CCDC62: variants seen among roughly 807,000 people sequenced by gnomAD.
The protein encoded by CCDC62 is coiled-coil domain-containing protein 62.
CCDC62 carries 72 observed loss-of-function variants against 80.8 expected under a neutral mutation model. The ratio of observed to expected loss-of-function variants is 0.89; its 90% CI spans 0.74 to 1.08. The LOEUF (loss-of-function observed/expected upper bound fraction) is 1.08. CCDC62 is among the 50% of genes least tolerant of loss of function. CCDC62 has a pLI of 0.00. For missense variants in CCDC62, 704 were observed against 809.4 expected (o/e 0.87, Z 1.58); for synonymous variants, 286 against 296.5 (o/e 0.96, Z 0.36).
At chr12:122,821,889 T>C (rs2032416480) in intron 11 of CCDC62, among the ~76,000 whole-genome samples, 2 of 152,038 alleles carry the variant, frequency 1.3e-5, no homozygotes, top group Admixed American at 1.3e-4. Flanking sequence ...GTCTTTGTAG[T>C]GGAAAGATTT....
intron 9 of CCDC62, among the ~76,000 whole-genome samples, chr12:122,803,989 G>A (rs910093825): frequency 6.6e-5 from 10 of 152,188 alleles, no homozygotes; most frequent in Admixed American, 6.5e-4. Flanking sequence ...AGCAGAGACG[G>A]ATGCCAAGAT....
At chr12:122,785,622 A>C in intron 3 of CCDC62, 97 bp from the exon 4 acceptor site, 1 of 830,882 alleles carries the variant, frequency 1.2e-6, no homozygotes, top group Non-Finnish European at 2.0e-6. Context: ...AAACAAGGAA[A>C]AAACAAAATA....
intron 11 of CCDC62, 114 bp from the exon 12 acceptor site, chr12:122,823,252 C>G (rs528661366): frequency 2.6e-6 from 2 of 780,330 alleles, no homozygotes; most frequent in Middle Eastern, 3.1e-4. Flanking sequence ...TGAGCCACCA[C>G]GCCCAGCCTC....
At chr12:122,785,044 C>T (rs11059954) in intron 3 of CCDC62, among the ~76,000 whole-genome samples, 8,040 of 151,372 alleles carry the variant, frequency 0.053, 391 homozygotes, top group East Asian at 0.27. Context: ...GAGGCTGAAG[C>T]AGGAGAATCA....
rs141689290 is a variant in CCDC62, at chr12:122,801,722, C to G, written c.1576C>G (p.Pro526Ala). 3,022 of 1,614,136 alleles carry G rather than the reference C, an allele frequency of 1.9e-3. 2 individuals carry two copies. Among genetic ancestry groups the G allele is most frequent in the Non-Finnish European group, 2.3e-3 (2,761 of 1,180,034 alleles). The stretch of plus-strand genomic sequence containing the variant: ...CCCGAGTAACTTCATAATTGAAGCC[C>G]CAGGCCACATGTCTGACGTGGAGTG... ...CHPSNFIIEAPGHMSDVEWMS... is the reference protein window; with the variant it reads ...CHPSNFIIEAAGHMSDVEWMS... The change falls in exon 9 of 13, where the codon CCA becomes GCA. Residue 526 changes from proline to alanine, a missense_variant. By Grantham distance (27) the Pro-to-Ala change is conservative. Transcript: ENST00000253079.
intron 8 of CCDC62, among the ~76,000 whole-genome samples, chr12:122,798,517 C>A (rs746307306): frequency 6.6e-6 from 1 of 152,004 alleles, no homozygotes; most frequent in Non-Finnish European, 1.5e-5. Context: ...GCACGAGAAT[C>A]GCTTGAACCT....
At position 122,796,090 on chromosome 12, in the gene CCDC62, A is replaced by G. The variant is rs188965883; in HGVS notation, c.773-1217A>G. On this transcript the variant is annotated intron_variant, in intron 6 of 12. Coordinates refer to ENST00000253079, the MANE Select transcript of CCDC62 (RefSeq NM_201435.5). ...GGACTAGGGAAACATTTATATTTACATTGGCATTGCCTCTTATGCAAAAGT... is the reference window on the plus strand; with the variant it reads ...GGACTAGGGAAACATTTATATTTACGTTGGCATTGCCTCTTATGCAAAAGT... Among the ~76,000 whole-genome samples, 242 of 152,316 alleles carry G rather than the reference A, an allele frequency of 1.6e-3. 4 individuals are homozygous for G. Among genetic ancestry groups the G allele is most frequent in the African/African-American group, 5.4e-3 (223 of 41,568 alleles).
intron 10 of CCDC62, among the ~76,000 whole-genome samples, chr12:122,809,807 G>A (rs1474326173): frequency 6.6e-6 from 1 of 152,136 alleles, no homozygotes. Flanking sequence ...CATGGTACTG[G>A]TACCAAAACA....
intron 8 of CCDC62, among the ~76,000 whole-genome samples, chr12:122,800,313 G>A (rs2031220866): frequency 6.6e-6 from 1 of 151,670 alleles, no homozygotes; most frequent in Admixed American, 6.6e-5. Flanking sequence ...GGACGCCATG[G>A]CTCACACCTG....
At chr12:122,795,507 T>G (rs1485971105) in intron 6 of CCDC62, among the ~76,000 whole-genome samples, 1 of 151,918 alleles carries the variant, frequency 6.6e-6, no homozygotes. Flanking sequence ...CACTGCAAGC[T>G]CAGCCTCCTG....
chr12:122,814,174 G>A (rs12367291), intron 11 of CCDC62, among the ~76,000 whole-genome samples: 127,118 of 150,868 alleles, frequency 0.84, 54,779 homozygotes, highest in East Asian at 0.99. Flanking sequence ...CCAGCTACTC[G>A]GGAGGCTGAG....
At position 122,812,773 on chromosome 12, in the gene CCDC62, G is replaced by A. The variant is rs200282742; in HGVS notation, c.1852-497G>A. Among the ~76,000 whole-genome samples, 659 of 68,774 alleles carry A rather than the reference G, an allele frequency of 9.6e-3. 4 individuals are homozygous for A. The highest frequency in any genetic ancestry group is 0.01 in the Non-Finnish European group (351 of 34,228). 45.1% of individuals were successfully genotyped at this position (68,774 alleles called of 152,430 possible). ...AGAGGGAGGGAGAGAGAGAGAGAGA[G>A]AGAGAGAAAGAAAGAAAGAAAGAAA... On this transcript the variant is annotated intron_variant, in intron 10 of 12. Transcript: ENST00000253079.
At position 122,781,330 on chromosome 12, in the gene CCDC62, G is replaced by A. The variant is rs764579807; in HGVS notation, c.396G>A (p.Glu132=). 1 of 1,612,308 alleles carries A rather than the reference G, an allele frequency of 6.2e-7. No homozygotes were observed. Among genetic ancestry groups the A allele is most frequent in the South Asian group, 1.1e-5 (1 of 90,870 alleles). ...THSSLLSEDL[E]ARNETLSNTL... is the part of the protein sequence containing the mutation. ...CTTCTCTTCTCTCTGAAGACCTTGA[G>A]GTTGGGATTAGTTTTTGATAAGCTT... Residue 132 remains glutamate, a splice_region_variant and synonymous_variant, in exon 3 of 13, where the codon GAG becomes GAA. Coordinates refer to ENST00000253079, the MANE Select transcript of CCDC62 (RefSeq NM_201435.5).
At chr12:122,777,723 TG>T (rs1879568257) in intron 2 of CCDC62, 40 bp downstream of exon 2, 1 of 1,558,418 alleles carries the variant, frequency 6.4e-7, no homozygotes, top group African/African-American at 1.4e-5. Flanking sequence ...TGCACTTCTG[TG>T]TGCTAACACA....
intron 11 of CCDC62, among the ~76,000 whole-genome samples, chr12:122,823,021 C>T (rs1247182631): frequency 3.9e-5 from 6 of 151,962 alleles, no homozygotes; most frequent in Non-Finnish European, 5.9e-5. Flanking sequence ...AGTGCAGTGG[C>T]GTGATCTTGG....
At chr12:122,798,885 C>T (rs1190370544) in intron 8 of CCDC62, among the ~76,000 whole-genome samples, 1 of 151,988 alleles carries the variant, frequency 6.6e-6, no homozygotes, top group Non-Finnish European at 1.5e-5. Flanking sequence ...CGAGACCATC[C>T]TGGCTAACAC....
intron 5 of CCDC62, among the ~76,000 whole-genome samples, chr12:122,790,165 C>T (rs2030512665): frequency 6.6e-6 from 1 of 152,094 alleles, no homozygotes; most frequent in Admixed American, 6.6e-5. Context: ...ATTCTCCTGC[C>T]TCAGCCTCCT....
chr12:122,812,649 T>TGGCGTGAACCCTGG (rs2031946358), intron 10 of CCDC62, among the ~76,000 whole-genome samples: 1 of 8,056 alleles, frequency 1.2e-4, no homozygotes, highest in Non-Finnish European at 5.4e-4. Context: ...GAGGCTGAGG[T>TGGCGTGAACCCTGG]GGGTGGAGCT....
chr12:122,792,637 G>T (rs2030696698), intron 6 of CCDC62, among the ~76,000 whole-genome samples: 1 of 151,912 alleles, frequency 6.6e-6, no homozygotes, highest in South Asian at 2.1e-4. Context: ...TCCTGCCTCA[G>T]CCTCCCAAGT....
Sources: allele counts gnomAD v4.1 joint callset (sites outside exome capture counted in the v4.1 genomes callset), GRCh38; gene constraint gnomAD v4.1.1; transcripts MANE v1.5; gene names NCBI Gene and HGNC (gene_info 2026-07-23, HGNC 2026-07-21).